The following MACROD2 variants were observed in gnomAD, a reference collection of about 807,000 sequenced individuals.
MACROD2 encodes the protein ADP-ribose glycohydrolase MACROD2.
MACROD2 carries 36 observed loss-of-function variants against 70.4 expected under a neutral mutation model. The ratio of observed to expected loss-of-function variants is 0.51; its 90% CI spans 0.39 to 0.68. MACROD2 has a LOEUF of 0.68. Ranked by LOEUF, MACROD2 falls within the 30% of genes least tolerant of loss-of-function variation. The pLI is 0.00. For missense variants in MACROD2, 496 were observed against 538.4 expected (o/e 0.92, Z 0.78); for synonymous variants, 172 against 178.8 (o/e 0.96, Z 0.30).
chr20:14,621,147 A>C (rs1271020663), intron 4 of MACROD2, among the ~76,000 whole-genome samples: 4 of 152,128 alleles, frequency 2.6e-5, no homozygotes, highest in African/African-American at 9.7e-5. Context: ...CATAAGTCAC[A>C]GGGATGTTGT....
chr20:14,724,489 A>C (rs1365057163), intron 5 of MACROD2, among the ~76,000 whole-genome samples: 2 of 152,190 alleles, frequency 1.3e-5, no homozygotes. Flanking sequence ...AAGCAACATG[A>C]GTAAATGTGC....
chr20:15,324,414 G>T (rs191765618), intron 6 of MACROD2, among the ~76,000 whole-genome samples: 1 of 152,218 alleles, frequency 6.6e-6, no homozygotes, highest in Non-Finnish European at 1.5e-5. Flanking sequence ...CAGTAATTTT[G>T]CTGGGGACTC....
At chr20:15,606,480 T>G (rs1290886010) in intron 8 of MACROD2, among the ~76,000 whole-genome samples, 1 of 152,164 alleles carries the variant, frequency 6.6e-6, no homozygotes, top group Non-Finnish European at 1.5e-5. Flanking sequence ...TTGTTACTTC[T>G]TTAACCCTCC....
rs77301684 is a variant in MACROD2 at position 15,899,326 on chromosome 20, A to G, written c.775+13515A>G. Among the ~76,000 whole-genome samples the G allele has an allele frequency of 3.9e-3, 591 of 152,284 alleles. 2 individuals are homozygous for G. The highest frequency in any genetic ancestry group is 0.023 in the South Asian group (113 of 4,834). On this transcript the variant is annotated intron_variant, in intron 10 of 17. Coordinates refer to ENST00000684519, the MANE Select transcript of MACROD2 (RefSeq NM_001351661.2). ...TGTGTACATATATACATATATACAT[A>G]TACATGTATATCTATACACATACAT...
intron 5 of MACROD2, among the ~76,000 whole-genome samples, chr20:14,831,875 T>C (rs1370055518): frequency 6.7e-6 from 1 of 150,144 alleles, no homozygotes; most frequent in Non-Finnish European, 1.5e-5. Context: ...TCGTTTTCGT[T>C]TGTTGTTGCT....
chr20:15,815,105 A>T (rs1020291591), intron 8 of MACROD2, among the ~76,000 whole-genome samples: 1 of 152,222 alleles, frequency 6.6e-6, no homozygotes, highest in Non-Finnish European at 1.5e-5. Flanking sequence ...GTCACTCTGG[A>T]TGCCTCATCC....
At chr20:15,401,675 A>C (rs1008872619) in intron 6 of MACROD2, among the ~76,000 whole-genome samples, 1 of 152,240 alleles carries the variant, frequency 6.6e-6, no homozygotes, top group Non-Finnish European at 1.5e-5. Context: ...AAATACTTAG[A>C]ATAGCAATAG....
intron 8 of MACROD2, among the ~76,000 whole-genome samples, chr20:15,625,903 C>CAAAAAAAAA (rs11290779): frequency 4.0e-5 from 3 of 75,640 alleles, no homozygotes; most frequent in Non-Finnish European, 4.9e-5. Context: ...TCCTTGGCCA[C>CAAAAAAAAA]AAAAAAAAAA....
chr20:16,010,830 C>G (rs1479139386), intron 15 of MACROD2, among the ~76,000 whole-genome samples: 1 of 152,210 alleles, frequency 6.6e-6, no homozygotes, highest in Non-Finnish European at 1.5e-5. Flanking sequence ...TCTGGCAAAT[C>G]AGTAACTGGA....
At position 15,595,347 on chromosome 20, in the gene MACROD2, T is replaced by C. The variant is rs926372754; in HGVS notation, c.645+95500T>C. ...AATTTAGGAATCCTCATACAAAAAA[T>C]TTATAGCACAGGAATAAACTTTATG... is the stretch of plus-strand genomic sequence containing the variant. On this transcript the variant is annotated intron_variant, in intron 8 of 17. Coordinates refer to ENST00000684519, the MANE Select transcript of MACROD2 (RefSeq NM_001351661.2). 3.3e-5 allele frequency among the ~76,000 whole-genome samples: 5 copies of C among 152,314 alleles called. No homozygotes were observed. In the East Asian group the frequency reaches 9.6e-4, roughly 29 times the overall value.
chr20:14,692,028 C>T (rs2071070917), intron 5 of MACROD2, among the ~76,000 whole-genome samples: 1 of 152,122 alleles, frequency 6.6e-6, no homozygotes. Flanking sequence ...CATTTAATCT[C>T]CTTAGTGATC....
intron 6 of MACROD2, among the ~76,000 whole-genome samples, chr20:15,314,469 A>G (rs1342963284): frequency 2.6e-5 from 4 of 152,118 alleles, no homozygotes; most frequent in Non-Finnish European, 4.4e-5. Flanking sequence ...AAAAACTTCA[A>G]GGTACTTTTA....
intron 15 of MACROD2, among the ~76,000 whole-genome samples, chr20:15,993,802 G>A (rs1047439726): frequency 5.9e-5 from 9 of 152,068 alleles, no homozygotes; most frequent in East Asian, 1.9e-4. Flanking sequence ...GACAAAATTC[G>A]TTTTCACTGA....
At chr20:15,702,890 T>C (rs1253194852) in intron 8 of MACROD2, among the ~76,000 whole-genome samples, 4 of 152,334 alleles carry the variant, frequency 2.6e-5, no homozygotes, top group Middle Eastern at 3.4e-3. Flanking sequence ...CTTCGAACTA[T>C]ACTATAAGGC....
At chr20:15,551,639 G>T (rs2146588478) in intron 8 of MACROD2, among the ~76,000 whole-genome samples, 1 of 152,098 alleles carries the variant, frequency 6.6e-6, no homozygotes, top group Non-Finnish European at 1.5e-5. Context: ...AACACTTTGG[G>T]AGGCCAAGGC....
At chr20:14,446,037 A>C (rs919785159) in intron 3 of MACROD2, among the ~76,000 whole-genome samples, 3 of 152,200 alleles carry the variant, frequency 2.0e-5, no homozygotes, top group South Asian at 2.1e-4. Context: ...GAATTTGGTC[A>C]TACCTGAATG....
At chr20:14,515,465 G>GCGCGCGCACACACACACACA (rs1369248292) in intron 4 of MACROD2, among the ~76,000 whole-genome samples, 5 of 127,066 alleles carry the variant, frequency 3.9e-5, no homozygotes, top group African/African-American at 1.6e-4. Context: ...ACACACACAC[G>GCGCGCGCACACACACACACA]CACACACACA....
At chr20:14,726,909 A>G (rs963500751) in intron 5 of MACROD2, among the ~76,000 whole-genome samples, 4 of 152,196 alleles carry the variant, frequency 2.6e-5, no homozygotes, top group Non-Finnish European at 5.9e-5. Flanking sequence ...CCATAAATCC[A>G]CTTTAAAAAT....
chr20:15,821,421 A>C (rs903194792), intron 8 of MACROD2, among the ~76,000 whole-genome samples: 1 of 152,094 alleles, frequency 6.6e-6, no homozygotes, highest in African/African-American at 2.4e-5. Context: ...TGAAGACAAG[A>C]AAGTATATTG....
Sources: gnomAD v4.1 joint callset for allele counts (sites outside exome capture counted in the v4.1 genomes callset) on GRCh38, gnomAD v4.1.1 for gene constraint, MANE v1.5 for transcripts, NCBI Gene and HGNC (gene_info 2026-07-23, HGNC 2026-07-21) for gene names.